NTRK1: variants seen among roughly 807,000 people sequenced by gnomAD.
The protein encoded by NTRK1 is high affinity nerve growth factor receptor.
Under a neutral mutation model 86.8 loss-of-function variants are expected in NTRK1, and 62 were observed. That is an observed-to-expected ratio of 0.71 (90% confidence interval 0.58 to 0.88). NTRK1 has a LOEUF of 0.88. Ranked by LOEUF, NTRK1 falls within the 40% of genes least tolerant of loss-of-function variation. The pLI, the probability that NTRK1 is intolerant of heterozygous loss-of-function variation, is 0.00. For synonymous variants in NTRK1, 469 were observed against 456.6 expected (o/e 1.03, Z -0.35); for missense variants, 967 against 1,078.4 (o/e 0.90, Z 1.45).
intron 1 of NTRK1, among the ~76,000 whole-genome samples, chr1:156,823,964 T>A (rs1256590458): frequency 2.6e-5 from 4 of 152,170 alleles, no homozygotes; most frequent in Admixed American, 1.3e-4. Flanking sequence ...TGTGCACACT[T>A]CCATAGGCCC....
intron 2 of NTRK1, chr1:156,845,225 T>C: frequency 6.2e-7 from 1 of 1,610,070 alleles, no homozygotes; most frequent in Non-Finnish European, 8.5e-7. Flanking sequence ...CTTGTCCTCC[T>C]GGATCTCGAA....
At position 156,876,580 on chromosome 1, in the gene NTRK1, C is replaced by A. The variant is rs780424308; in HGVS notation, c.1805+8C>A. On this transcript the variant is annotated splice_region_variant and intron_variant, in intron 14 of 16. Coordinates refer to ENST00000524377, the MANE Select transcript of NTRK1 (RefSeq NM_002529.4). ...CCTCAACCGCTTCCTCCGGTACCAG[C>A]ACCTGGCCTCAGCGCTGGCCCCGGC... 16 of 1,609,348 alleles carry A rather than the reference C, an allele frequency of 9.9e-6. No individual in the cohort carries two copies. In the East Asian group the frequency reaches 3.6e-4, roughly 36 times the overall value.
chr1:156,844,057 A>C (rs982436426), intron 2 of NTRK1: 2 of 710,974 alleles, frequency 2.8e-6, no homozygotes, highest in Non-Finnish European at 4.8e-6. Context: ...GCAGGGGAAG[A>C]GTTACTGCCT....
At chr1:156,842,220 C>T (rs761036015) in intron 2 of NTRK1, 2 of 1,614,066 alleles carry the variant, frequency 1.2e-6, no homozygotes, top group South Asian at 2.2e-5. Context: ...GCAATCTCAC[C>T]AGCCATTTGG....
intron 3 of NTRK1, 139 bp from the exon 4 acceptor site, chr1:156,866,771 A>T: frequency 3.4e-6 from 2 of 581,792 alleles, no homozygotes; most frequent in Non-Finnish European, 6.3e-6. Context: ...ACTGCCTTCC[A>T]GGGCTGGTTC....
At position 156,868,099 on chromosome 1, in the gene NTRK1, C is replaced by G. The variant is rs1246541170; in HGVS notation, c.429-5C>G. The G allele has an allele frequency of 6.2e-7, 1 of 1,613,866 alleles. No individual in the cohort carries two copies. Among genetic ancestry groups the G allele is most frequent in the Non-Finnish European group, 8.5e-7 (1 of 1,180,040 alleles). On this transcript the variant is annotated splice_region_variant and splice_polypyrimidine_tract_variant and intron_variant, in intron 4 of 16. Coordinates refer to ENST00000524377, the MANE Select transcript of NTRK1 (RefSeq NM_002529.4). ...GACTCTGTTGGTGTCCCCCATGCCC[C>G]CCAGGGTCCTGTCGGGGAACCCTCT...
At chr1:156,827,407 C>T (rs534521324) in intron 1 of NTRK1, among the ~76,000 whole-genome samples, 9 of 152,104 alleles carry the variant, frequency 5.9e-5, no homozygotes, top group South Asian at 4.1e-4. Flanking sequence ...GGATTACAGG[C>T]GTGCGCCACC....
chr1:156,859,917 G>GAA (rs951427748), upstream of NTRK1, among the ~76,000 whole-genome samples: 1 of 152,152 alleles, frequency 6.6e-6, no homozygotes, highest in Non-Finnish European at 1.5e-5. This position sits in a 1 kb window ranked among gnomAD's most constrained non-coding sequence, Gnocchi z 6.2. Context: ...GAGGGGTTGG[G>GAA]ACCAGCCTTC....
chr1:156,870,018 G>A (rs190314349), intron 6 of NTRK1, among the ~76,000 whole-genome samples: 4 of 152,314 alleles, frequency 2.6e-5, no homozygotes, highest in East Asian at 1.9e-4. Context: ...CCACTGGGGC[G>A]CTGAGCAGGG....
chr1:156,861,182 C>G (rs1456342553), intron 1 of NTRK1, 36 bp downstream of exon 1: 1 of 1,534,192 alleles, frequency 6.5e-7, no homozygotes, highest in Non-Finnish European at 8.7e-7. Context: ...GGCGCGGGGA[C>G]AGGCAGGCAT....
chr1:156,874,240 G>C, intron 8 of NTRK1, 143 bp from the exon 9 acceptor site: 4 of 1,287,802 alleles, frequency 3.1e-6, no homozygotes, highest in Non-Finnish European at 4.5e-6. Context: ...CTTCTTCCTT[G>C]AGGCCCAGCA....
chr1:156,865,799 G>T (rs1024332030), intron 3 of NTRK1, among the ~76,000 whole-genome samples: 20 of 152,292 alleles, frequency 1.3e-4, no homozygotes, highest in Admixed American at 9.1e-4. Context: ...CCCCCAATAT[G>T]AGCAGGCAGA....
At chr1:156,858,497 G>C (rs766788352), upstream of NTRK1, 31 of 1,539,622 alleles carry the variant, frequency 2.0e-5, no homozygotes, top group Non-Finnish European at 2.4e-5. Flanking sequence ...AGCTGGCTGG[G>C]AGGGAGGTAG....
At chr1:156,851,110 T>G in intron 2 of NTRK1, 1 of 713,304 alleles carries the variant, frequency 1.4e-6, no homozygotes, top group Non-Finnish European at 2.5e-6. Context: ...AAGTAAGTAA[T>G]GTTATATTAG....
At chr1:156,830,065 T>C (rs566180622) in intron 1 of NTRK1, among the ~76,000 whole-genome samples, 1 of 152,348 alleles carries the variant, frequency 6.6e-6, no homozygotes, top group Admixed American at 6.5e-5. Context: ...TAAGCATTGC[T>C]CTCCACGCAG....
chr1:156,858,451 G>A (rs1218787194), upstream of NTRK1: 6 of 937,456 alleles, frequency 6.4e-6, no homozygotes, highest in Admixed American at 3.4e-5. Flanking sequence ...AGTAAGTGGA[G>A]GTGCTGTGGC....
chr1:156,863,790 G>A (rs555583324), intron 1 of NTRK1, among the ~76,000 whole-genome samples: 3 of 152,306 alleles, frequency 2.0e-5, no homozygotes, highest in African/African-American at 7.2e-5. Context: ...GCTGGGTGGG[G>A]CAGTGGCAGG....
intron 3 of NTRK1, chr1:156,865,113 G>C (rs1299137378): frequency 2.4e-6 from 1 of 419,530 alleles, no homozygotes; most frequent in Non-Finnish European, 4.5e-6. Flanking sequence ...AGCGGCAGGA[G>C]CAGGACTCCT....
At chr1:156,836,381 C>T (rs1477850487) in intron 1 of NTRK1, among the ~76,000 whole-genome samples, 1 of 152,220 alleles carries the variant, frequency 6.6e-6, no homozygotes, top group Non-Finnish European at 1.5e-5. Flanking sequence ...CTCTTCCACA[C>T]CCTGCTCTAT....
Sources: allele counts gnomAD v4.1 joint callset (sites outside exome capture counted in the v4.1 genomes callset), GRCh38; gene constraint gnomAD v4.1.1; non-coding constraint Gnocchi (gnomAD v3.1); transcripts MANE v1.5; gene names NCBI Gene and HGNC (gene_info 2026-07-23, HGNC 2026-07-21).